HDHD2: variants seen among roughly 807,000 people sequenced by gnomAD.
The protein encoded by HDHD2 is haloacid dehalogenase like hydrolase domain containing 2.
Under a neutral mutation model 24.8 loss-of-function variants are expected in HDHD2, and 26 were observed. The ratio of observed to expected loss-of-function variants is 1.05; its 90% CI spans 0.77 to 1.45. The LOEUF (loss-of-function observed/expected upper bound fraction) is 1.45, where lower values mean the gene tolerates loss of function less well. HDHD2 is among the 40% of genes most tolerant of loss of function. The pLI is 0.00. For missense variants in HDHD2, 299 were observed against 313.4 expected (o/e 0.95, Z 0.35); for synonymous variants, 128 against 114.9 (o/e 1.11, Z -0.73).
chr18:47,145,821 T>C lies in HDHD2; in HGVS notation c.-11+4557A>G, dbSNP rs567947953. On this transcript the variant is annotated intron_variant, in intron 1 of 6. Coordinates refer to ENST00000300605, the MANE Select transcript of HDHD2 (RefSeq NM_032124.5). ...AGTGAAAATACAGAAAAAGAACTTA[T>C]TTTTCTAACACATGTGGGAAAAGAC... 3.3e-5 allele frequency among the ~76,000 whole-genome samples: 5 copies of C among 152,312 alleles called. No homozygotes were observed. The East Asian group carries it at 9.6e-4, about 29-fold the overall frequency.
chr18:47,130,302 C>T lies in HDHD2; in HGVS notation c.337G>A (p.Val113Met). The change falls in exon 4 of 7, where the codon GTG becomes ATG. Residue 113 changes from valine to methionine, a missense_variant. Physicochemically the swap from Val to Met is conservative, Grantham distance 21. Coordinates refer to ENST00000300605, the MANE Select transcript of HDHD2 (RefSeq NM_032124.5). ...KGIQTSDPNA[V>M]VMGLAPEHFH... ...TGTTCTGGTGCCAATCCCATGACCA[C>T]AGCATTAGGATCACTTGTTTGTATT... 1 of 1,605,276 alleles carries T rather than the reference C, an allele frequency of 6.2e-7. No individual in the cohort carries two copies. Among genetic ancestry groups the T allele is most frequent in the Middle Eastern group, 1.7e-4 (1 of 6,044 alleles).
intron 2 of HDHD2, 144 bp from the exon 3 acceptor site, chr18:47,134,848 G>T: frequency 1.6e-6 from 1 of 640,928 alleles, no homozygotes; most frequent in Non-Finnish European, 2.8e-6. Context: ...AGAATGGCAG[G>T]TTTACAGTTT....
At chr18:47,112,019 G>A (rs1056980693) in intron 6 of HDHD2, among the ~76,000 whole-genome samples, 4 of 152,184 alleles carry the variant, frequency 2.6e-5, no homozygotes, top group African/African-American at 9.6e-5. Context: ...TAAGAGTCTG[G>A]TGATGATTCT....
At chr18:47,121,238 G>A (rs2063603667) in intron 4 of HDHD2, among the ~76,000 whole-genome samples, 1 of 152,066 alleles carries the variant, frequency 6.6e-6, no homozygotes, top group Non-Finnish European at 1.5e-5. Flanking sequence ...AAATTATACT[G>A]CAGATTAAGT....
chr18:47,128,936 C>A (rs2063686058), intron 4 of HDHD2, among the ~76,000 whole-genome samples: 1 of 151,788 alleles, frequency 6.6e-6, no homozygotes, highest in Non-Finnish European at 1.5e-5. Context: ...GAAATGAATT[C>A]TACATAATGT....
At chr18:47,111,367 TAAA>T (rs547835822) in intron 6 of HDHD2, 1,421 of 875,268 alleles carry the variant, frequency 1.6e-3, no homozygotes, top group Non-Finnish European at 1.7e-3. Context: ...TTACATGAGC[TAAA>T]AAAAAAAAAA....
At chr18:47,130,190 G>T in intron 4 of HDHD2, 54 bp downstream of exon 4, 1 of 1,122,000 alleles carries the variant, frequency 8.9e-7, no homozygotes, top group Non-Finnish European at 1.3e-6. Flanking sequence ...ATGACAAAAG[G>T]AAAGGAAGAA....
At chr18:47,133,665 C>T (rs536186349) in intron 3 of HDHD2, among the ~76,000 whole-genome samples, 9 of 152,060 alleles carry the variant, frequency 5.9e-5, no homozygotes, top group African/African-American at 1.7e-4. Context: ...TTTTAATGAT[C>T]GCCATTCTAA....
At chr18:47,143,984 T>C (rs1337311578) in intron 1 of HDHD2, among the ~76,000 whole-genome samples, 1 of 152,092 alleles carries the variant, frequency 6.6e-6, no homozygotes, top group Admixed American at 6.6e-5. Context: ...CACTTTAAAC[T>C]TGGGCTTCCA....
At chr18:47,128,533 A>G (rs149297267) in intron 4 of HDHD2, among the ~76,000 whole-genome samples, 2 of 152,254 alleles carry the variant, frequency 1.3e-5, no homozygotes, top group Non-Finnish European at 2.9e-5. Context: ...CAGGGGAAGC[A>G]AAAGTAATTT....
chr18:47,109,015 G>A (rs2063494734), intron 6 of HDHD2: 1 of 509,666 alleles, frequency 2.0e-6, no homozygotes. Context: ...ACAATGGACA[G>A]CCACAGGTAC....
At chr18:47,142,333 C>A (rs759178934) in intron 1 of HDHD2, among the ~76,000 whole-genome samples, 5 of 151,512 alleles carry the variant, frequency 3.3e-5, no homozygotes, top group Non-Finnish European at 5.9e-5. Context: ...TAGATATCTA[C>A]CTAATATTCT....
At chr18:47,136,567 C>T in intron 1 of HDHD2, 118 bp from the exon 2 acceptor site, 1 of 718,684 alleles carries the variant, frequency 1.4e-6, no homozygotes, top group South Asian at 3.4e-5. Flanking sequence ...TGTTAAGCTG[C>T]TTCCATTTTG....
chr18:47,140,991 C>T (rs1203009112), intron 1 of HDHD2, among the ~76,000 whole-genome samples: 2 of 152,036 alleles, frequency 1.3e-5, no homozygotes, highest in Non-Finnish European at 2.9e-5. Flanking sequence ...TTTTATTATT[C>T]TAGTTAGGAA....
At chr18:47,146,528 T>G (rs1599973415) in intron 1 of HDHD2, among the ~76,000 whole-genome samples, 1 of 152,116 alleles carries the variant, frequency 6.6e-6, no homozygotes, top group African/African-American at 2.4e-5. Flanking sequence ...CAGTGTACCA[T>G]GATACATGAA....
intron 4 of HDHD2, among the ~76,000 whole-genome samples, chr18:47,129,626 T>G (rs2063693067): frequency 1.3e-5 from 2 of 152,180 alleles, no homozygotes; most frequent in African/African-American, 4.8e-5. Context: ...ATAATTTATT[T>G]TAAAGTGTGG....
chr18:47,138,860 G>C (rs144790709), intron 1 of HDHD2, among the ~76,000 whole-genome samples: 1 of 152,116 alleles, frequency 6.6e-6, no homozygotes, highest in Non-Finnish European at 1.5e-5. Context: ...GCTGCACAGG[G>C]GTCAAGAACA....
In HDHD2 at chr18:47,134,712, G is replaced by A. The variant is rs570245624; in HGVS notation, c.102-8C>T. The A allele has an allele frequency of 9.3e-6, 15 of 1,610,464 alleles. No homozygotes were observed. The Admixed American group carries it at 1.0e-4, about 11-fold the overall frequency. ...ACAGAAGCACCACGTAACCTGGAGA[G>A]GGCCAAATTCAGAAGTCAAAAGGCA... On this transcript the variant is annotated splice_polypyrimidine_tract_variant and splice_region_variant and intron_variant, in intron 2 of 6. Transcript: ENST00000300605.
intron 6 of HDHD2, chr18:47,111,244 CA>C (rs2063513403): frequency 1.0e-6 from 1 of 984,708 alleles, no homozygotes; most frequent in Non-Finnish European, 1.2e-6. Flanking sequence ...AGGCTGGTCA[CA>C]ATAAAATGCC....
Sources: gnomAD v4.1 joint callset for allele counts (sites outside exome capture counted in the v4.1 genomes callset) on GRCh38, gnomAD v4.1.1 for gene constraint, MANE v1.5 for transcripts, NCBI Gene and HGNC (gene_info 2026-07-23, HGNC 2026-07-21) for gene names.